The following SLC24A2 variants were observed in gnomAD, a reference collection of about 807,000 sequenced individuals.
SLC24A2 encodes sodium/potassium/calcium exchanger 2.
SLC24A2 carries 36 observed loss-of-function variants against 62.0 expected under a neutral mutation model. The observed-to-expected ratio is 0.58, with a 90% CI of 0.44 to 0.77. SLC24A2 has a LOEUF of 0.77. SLC24A2 is among the 30% of genes least tolerant of loss of function. SLC24A2 has a pLI of 0.00. For synonymous variants in SLC24A2, 358 were observed against 294.0 expected (o/e 1.22, Z -2.23); for missense variants, 846 against 817.9 (o/e 1.03, Z -0.42).
At chr9:19,820,525 A>G in the SLC24A2 span, among the ~76,000 whole-genome samples, 9 of 151,590 alleles carry the variant, frequency 5.9e-5, no homozygotes, top group East Asian at 3.9e-4. Context: ...ATGGAAATAA[A>G]AAGTTTTAAA....
the SLC24A2 span, among the ~76,000 whole-genome samples, chr9:19,954,645 C>G: frequency 6.6e-6 from 1 of 151,854 alleles, no homozygotes; most frequent in African/African-American, 2.4e-5. Context: ...TCTAAGAATA[C>G]TGAAACATTT....
intron 2 of SLC24A2, among the ~76,000 whole-genome samples, chr9:19,725,239 T>C (rs1337754138): frequency 6.6e-6 from 1 of 152,074 alleles, no homozygotes; most frequent in Non-Finnish European, 1.5e-5. Flanking sequence ...AACAAAGAAA[T>C]GGTGCTCGGG....
chr9:19,525,728 G>A (rs1833417209), intron 9 of SLC24A2, among the ~76,000 whole-genome samples: 1 of 146,824 alleles, frequency 6.8e-6, no homozygotes, highest in South Asian at 2.1e-4. Context: ...AATGTATGCA[G>A]CCATGTTTCT....
In SLC24A2 at chr9:19,516,316, A is replaced by C; in HGVS notation, c.1823T>G (p.Val608Gly). ...VSSNGLFCAI[V>G]LLFIMLLFVI... ...GAAGAGCAGCATGATGAAGAGAAGG[A>C]CGATGGCACAGAAAAGGCCATTGCT... Residue 608 changes from valine (V) to glycine (G), a missense_variant, in exon 11 of 11, where the codon GTC becomes GGC. Transcript: ENST00000341998. 6.2e-7 allele frequency: 1 copy of C among 1,614,198 alleles called. No individual in the cohort carries two copies. Among genetic ancestry groups the C allele is most frequent in the African/African-American group, 1.3e-5 (1 of 75,046 alleles).
chr9:19,883,567 C>T, the SLC24A2 span, among the ~76,000 whole-genome samples: 2 of 56,734 alleles, frequency 3.5e-5, no homozygotes, highest in African/African-American at 1.5e-4. Flanking sequence ...TGTTTCTGTA[C>T]ATTGTTTTTT....
At chr9:19,649,127 C>G (rs535057585) in intron 2 of SLC24A2, among the ~76,000 whole-genome samples, 2 of 148,992 alleles carry the variant, frequency 1.3e-5, no homozygotes, top group South Asian at 4.3e-4. Context: ...AAACTAAAAA[C>G]AAATCAGTGT....
At chr9:19,572,983 C>T (rs1835882898) in intron 7 of SLC24A2, among the ~76,000 whole-genome samples, 1 of 152,170 alleles carries the variant, frequency 6.6e-6, no homozygotes, top group Non-Finnish European at 1.5e-5. Context: ...TTAAAAATCA[C>T]CTTGGATGCT....
At chr9:19,537,144 T>A (rs1834018425) in intron 8 of SLC24A2, among the ~76,000 whole-genome samples, 1 of 150,776 alleles carries the variant, frequency 6.6e-6, no homozygotes, top group Non-Finnish European at 1.5e-5. Context: ...TTCTCCCATG[T>A]TGTAGGTTGC....
intron 6 of SLC24A2, among the ~76,000 whole-genome samples, chr9:19,576,177 TG>T (rs1162676565): frequency 6.6e-6 from 1 of 152,258 alleles, no homozygotes; most frequent in Non-Finnish European, 1.5e-5. Context: ...TGTTGAATTT[TG>T]TCTGCAGATA....
At chr9:19,541,948 G>A (rs1307627113) in intron 8 of SLC24A2, among the ~76,000 whole-genome samples, 2 of 152,286 alleles carry the variant, frequency 1.3e-5, no homozygotes, top group East Asian at 1.9e-4. Context: ...CGCAATATTC[G>A]GGTGGGAGTG....
chr9:20,112,877 T>G, the SLC24A2 span, among the ~76,000 whole-genome samples: 1 of 151,352 alleles, frequency 6.6e-6, no homozygotes, highest in Non-Finnish European at 1.5e-5. Flanking sequence ...GTTGGTAGAG[T>G]ACAAGAAAAC....
At position 19,510,172 on chromosome 9, in the gene SLC24A2, C is replaced by T. The variant is rs556868433; in HGVS notation, c.*5981G>A. The T allele has an allele frequency of 6.6e-6, 1 of 152,092 alleles. No homozygotes were observed. The highest frequency in any genetic ancestry group is 2.1e-4 in the South Asian group (1 of 4,806). 9.4% of individuals were successfully genotyped at this position (152,092 alleles called of 1,614,324 possible). ...GTTTGTGACCTTGACTTCACCAGAGCTTCATGGTCATGCTGCACCCAGTAT... is the reference window on the plus strand; with the variant it reads ...GTTTGTGACCTTGACTTCACCAGAGTTTCATGGTCATGCTGCACCCAGTAT... On this transcript the variant is annotated 3_prime_UTR_variant, in exon 11 of 11. Coordinates refer to ENST00000341998, the MANE Select transcript of SLC24A2 (RefSeq NM_020344.4).
the SLC24A2 span, among the ~76,000 whole-genome samples, chr9:20,285,839 A>C: frequency 6.6e-5 from 10 of 152,212 alleles, no homozygotes; most frequent in Non-Finnish European, 1.2e-4. Flanking sequence ...AAGGAAGGGC[A>C]TGCACAGAGG....
intron 10 of SLC24A2, among the ~76,000 whole-genome samples, chr9:19,520,080 T>C (rs541411423): frequency 1.7e-4 from 26 of 152,192 alleles, no homozygotes; most frequent in East Asian, 5.8e-4. Context: ...AAAAACAATA[T>C]GGTCATGGAA....
chr9:19,899,931 C>T, the SLC24A2 span, among the ~76,000 whole-genome samples: 1 of 152,166 alleles, frequency 6.6e-6, no homozygotes, highest in African/African-American at 2.4e-5. Flanking sequence ...ATTATGGGAA[C>T]TATTAATCAT....
the SLC24A2 span, among the ~76,000 whole-genome samples, chr9:20,029,305 C>A: frequency 6.6e-6 from 1 of 152,206 alleles, no homozygotes; most frequent in African/African-American, 2.4e-5. Context: ...TCACCCTTGG[C>A]ATGCTCATCA....
chr9:20,150,343 G>GA, the SLC24A2 span, among the ~76,000 whole-genome samples: 1 of 151,930 alleles, frequency 6.6e-6, no homozygotes, highest in East Asian at 1.9e-4. Flanking sequence ...TTGGCCAACT[G>GA]AAAATAGGTT....
Position 19,563,749 on chromosome 9 carries a change from C to T in SLC24A2, c.1347+9602G>A, listed in dbSNP as rs1418085660. 3.4e-5 allele frequency among the ~76,000 whole-genome samples: 4 copies of T among 117,386 alleles called. No homozygotes were observed. The East Asian group carries it at 1.1e-3, about 33-fold the overall frequency. 77.0% of individuals were successfully genotyped at this position (117,386 alleles called of 152,430 possible). ...ACAAAACTGTTGGTTTTTATAATGA[C>T]CCTTCCTTCCTTTCATCTGTAACAA... is the stretch of plus-strand genomic sequence containing the variant. On this transcript the variant is annotated intron_variant, in intron 7 of 10. Coordinates refer to ENST00000341998, the MANE Select transcript of SLC24A2 (RefSeq NM_020344.4).
chr9:20,269,307 G>T, the SLC24A2 span, among the ~76,000 whole-genome samples: 1 of 152,102 alleles, frequency 6.6e-6, no homozygotes, highest in Admixed American at 6.5e-5. Flanking sequence ...AAAAGGAGAC[G>T]CATCCATGAT....
Sources: gnomAD v4.1 joint callset for allele counts (sites outside exome capture counted in the v4.1 genomes callset) on GRCh38, gnomAD v4.1.1 for gene constraint, MANE v1.5 for transcripts, NCBI Gene and HGNC (gene_info 2026-07-23, HGNC 2026-07-21) for gene names.